GPD2: variants seen among roughly 807,000 people sequenced by gnomAD.
GPD2 encodes the protein glycerol-3-phosphate dehydrogenase 2.
In GPD2, 54 loss-of-function variants were observed where a neutral mutation model predicts 82.4. The observed-to-expected ratio is 0.66, with a 90% CI of 0.53 to 0.82. The LOEUF is 0.82. Ranked by LOEUF, GPD2 falls within the 40% of genes least tolerant of loss-of-function variation. GPD2 has a pLI of 0.00. For synonymous variants in GPD2, 288 were observed against 306.1 expected, an observed-to-expected ratio of 0.94 and a Z score of 0.62; for missense variants, 748 against 896.2, an observed-to-expected ratio of 0.83 and a Z score of 2.11.
intron 1 of GPD2, among the ~76,000 whole-genome samples, chr2:156,450,870 C>G (rs1189622965): frequency 1.0e-4 from 13 of 129,738 alleles, no homozygotes; most frequent in Middle Eastern, 7.2e-3. Context: ...TGACTCTTAA[C>G]GAGCATGCTG....
chr2:156,509,765 C>CTTTTTTTTTTTTTTTTTTTTTTTTTTTTT (rs60361072), intron 3 of GPD2, among the ~76,000 whole-genome samples: 3 of 117,382 alleles, frequency 2.6e-5, no homozygotes, highest in Non-Finnish European at 1.7e-5. Flanking sequence ...ATATGTTCTT[C>CTTTTTTTTTTTTTTTTTTTTTTTTTTTTT]TTTTTTTTTT....
the GPD2 span, among the ~76,000 whole-genome samples, chr2:156,406,311 A>T: frequency 6.6e-6 from 1 of 152,204 alleles, no homozygotes; most frequent in Non-Finnish European, 1.5e-5. Context: ...AGAATGCAGC[A>T]ATTTTTCCTG....
At chr2:156,539,808 A>G (rs1448257305) in intron 6 of GPD2, among the ~76,000 whole-genome samples, 1 of 152,232 alleles carries the variant, frequency 6.6e-6, no homozygotes, top group African/African-American at 2.4e-5. Context: ...TCCCAGTCCT[A>G]TTATGAAAGA....
chr2:156,532,170 A>G (rs1247670649), intron 6 of GPD2, among the ~76,000 whole-genome samples: 1 of 151,982 alleles, frequency 6.6e-6, no homozygotes, highest in Non-Finnish European at 1.5e-5. Context: ...GCTAGTTTTT[A>G]TTTTTAAAAA....
At position 156,583,182 on chromosome 2, in the gene GPD2, G is replaced by A; in HGVS notation, c.*264G>A. On this transcript the variant is annotated 3_prime_UTR_variant, in exon 17 of 17. Transcript: ENST00000438166. Reference sequence around the variant, plus strand: ...TGCACATTAGTTTTGCATCTGTTTTGTGACCTGTTAGATGTGACACATTCT... The same window carrying A: ...TGCACATTAGTTTTGCATCTGTTTTATGACCTGTTAGATGTGACACATTCT... The A allele has an allele frequency of 4.6e-6, 2 of 432,422 alleles. No homozygotes were observed. The highest frequency in any genetic ancestry group is 4.3e-5 in the South Asian group (2 of 46,088). 26.8% of individuals were successfully genotyped at this position (432,422 alleles called of 1,614,324 possible).
intron 6 of GPD2, among the ~76,000 whole-genome samples, chr2:156,523,671 T>C (rs1053583742): frequency 5.2e-4 from 18 of 34,664 alleles, no homozygotes; most frequent in African/African-American, 1.9e-3. Flanking sequence ...ATTTCTTTTC[T>C]AGATAGATAG....
In GPD2 at chr2:156,570,068, C is replaced by T. The variant is rs201104051; in HGVS notation, c.1477-19C>T. 44 of 1,609,170 alleles carry T rather than the reference C, an allele frequency of 2.7e-5. No individual in the cohort carries two copies. The highest frequency in any genetic ancestry group is 6.7e-5 in the East Asian group (3 of 44,832). On this transcript the variant is annotated intron_variant, in intron 11 of 16. Coordinates refer to ENST00000438166, the MANE Select transcript of GPD2 (RefSeq NM_000408.5). ...ATTGATATTCAAAGTGCCTGCCTAA[C>T]GCAGCTTTATTTCTCTAGGTGGCAC...
At chr2:156,567,720 A>C (rs1455476469) in intron 9 of GPD2, among the ~76,000 whole-genome samples, 2 of 152,140 alleles carry the variant, frequency 1.3e-5, no homozygotes, top group Non-Finnish European at 2.9e-5. Flanking sequence ...GTCTACATGA[A>C]GAAGGGCAGA....
intron 2 of GPD2, among the ~76,000 whole-genome samples, chr2:156,480,147 C>G (rs982565522): frequency 5.3e-5 from 8 of 152,150 alleles, no homozygotes; most frequent in African/African-American, 1.9e-4. Context: ...AGAGGAGTCT[C>G]CTTTTTCTAA....
At chr2:156,495,517 C>A in intron 2 of GPD2, 1 of 356,658 alleles carries the variant, frequency 2.8e-6, no homozygotes, top group Non-Finnish European at 5.8e-6. Context: ...TAAATAAATT[C>A]TTTTTAATTG....
At chr2:156,475,780 C>T (rs905757021) in intron 1 of GPD2, among the ~76,000 whole-genome samples, 6 of 152,152 alleles carry the variant, frequency 3.9e-5, no homozygotes, top group African/African-American at 1.4e-4. Flanking sequence ...TTGTTAAATA[C>T]CCAATGACAT....
At chr2:156,431,193 C>G (rs960676936), upstream of GPD2, among the ~76,000 whole-genome samples, 1 of 152,180 alleles carries the variant, frequency 6.6e-6, no homozygotes, top group Non-Finnish European at 1.5e-5. Flanking sequence ...ATCTGAAAGA[C>G]AGTAAACATA....
intron 2 of GPD2, among the ~76,000 whole-genome samples, chr2:156,478,404 T>C (rs1683593153): frequency 6.6e-6 from 1 of 152,208 alleles, no homozygotes; most frequent in African/African-American, 2.4e-5. Context: ...AATCCAACTA[T>C]GTGCATTTCT....
chr2:156,510,893 G>A lies in GPD2; in HGVS notation c.372G>A (p.Lys124=). Residue 124 remains lysine, a synonymous_variant, in exon 4 of 17, where the codon AAG becomes AAA. Transcript: ENST00000438166. ...LIHGGVRYLQ[K]AIMKLDIEQY... ...ATGGTGGTGTGAGATATCTGCAGAA[G>A]GCCATCATGAAGTTGGATATTGAGC... 2 of 1,613,376 alleles carry A rather than the reference G, an allele frequency of 1.2e-6. No homozygotes were observed. Among genetic ancestry groups the A allele is most frequent in the Non-Finnish European group, 1.7e-6 (2 of 1,179,338 alleles).
At chr2:156,541,812 A>G (rs1026614525) in intron 6 of GPD2, among the ~76,000 whole-genome samples, 2 of 141,884 alleles carry the variant, frequency 1.4e-5, no homozygotes, top group African/African-American at 5.2e-5. Flanking sequence ...TTAAACGTAT[A>G]AAATGCTGTT....
chr2:156,434,948 C>T (rs1184074755), upstream of GPD2, among the ~76,000 whole-genome samples: 1 of 152,160 alleles, frequency 6.6e-6, no homozygotes, highest in African/African-American at 2.4e-5. Flanking sequence ...TTGCAGATCC[C>T]ACGTCCAGAC....
intron 1 of GPD2, among the ~76,000 whole-genome samples, chr2:156,442,912 T>C (rs946556446): frequency 3.3e-5 from 5 of 152,226 alleles, no homozygotes; most frequent in African/African-American, 1.2e-4. Flanking sequence ...CTTCCATGGA[T>C]TACTCTGCCC....
chr2:156,479,384 T>C (rs1683638991), intron 2 of GPD2, among the ~76,000 whole-genome samples: 1 of 152,174 alleles, frequency 6.6e-6, no homozygotes, highest in African/African-American at 2.4e-5. Flanking sequence ...GTGGTAGCAA[T>C]GATGCTTTTG....
At chr2:156,511,708 G>A (rs1054927956) in intron 4 of GPD2, among the ~76,000 whole-genome samples, 11 of 152,284 alleles carry the variant, frequency 7.2e-5, no homozygotes, top group African/African-American at 2.6e-4. Flanking sequence ...TAAAATTAGT[G>A]TTATAATAGC....
Sources: gnomAD v4.1 joint callset for allele counts (sites outside exome capture counted in the v4.1 genomes callset) on GRCh38, gnomAD v4.1.1 for gene constraint, MANE v1.5 for transcripts, NCBI Gene and HGNC (gene_info 2026-07-23, HGNC 2026-07-21) for gene names.